PLS3: variants seen among roughly 807,000 people sequenced by gnomAD.
The protein encoded by PLS3 is plastin-3.
In PLS3, 11 loss-of-function variants were observed where a neutral mutation model predicts 46.5. That is an observed-to-expected ratio of 0.24 (90% CI 0.15 to 0.39). The LOEUF is 0.39. Among genes scored for constraint, PLS3 ranks in the 10% least tolerant of loss-of-function variants. The pLI, the probability that PLS3 is intolerant of heterozygous loss-of-function variation, is 1.00. For synonymous variants in PLS3, 167 were observed against 162.2 expected (o/e 1.03, Z -0.22); for missense variants, 308 against 461.8 (o/e 0.67, Z 3.05).
At chrX:115,580,215 T>C (rs2074272543) in intron 1 of PLS3, among the ~76,000 whole-genome samples, 1 of 112,371 alleles carries the variant, frequency 8.9e-6, no homozygotes, top group Non-Finnish European at 1.9e-5. Context: ...AGGCCCACTT[T>C]ATCAGTATTT....
At chrX:115,564,522 A>G (rs1218141431) in intron 1 of PLS3, among the ~76,000 whole-genome samples, 1 of 112,519 alleles carries the variant, frequency 8.9e-6, no homozygotes, top group African/African-American at 3.2e-5. Flanking sequence ...TACTGAAAAT[A>G]AAAGGGCAGC....
intron 1 of PLS3, among the ~76,000 whole-genome samples, chrX:115,581,768 A>G (rs782666103): frequency 3.6e-5 from 4 of 112,618 alleles, no homozygotes; most frequent in South Asian, 7.4e-4. Context: ...CTGTTGGTCT[A>G]TAACATTATG....
chrX:115,622,049 T>C (rs1206004306), intron 2 of PLS3, 197 bp from the exon 3 acceptor site: 2 of 376,824 alleles, frequency 5.3e-6, no homozygotes, highest in East Asian at 9.1e-5. Flanking sequence ...ATTGCTTAAA[T>C]CACAGGATAC....
At chrX:115,603,899 A>G (rs2074467622) in intron 1 of PLS3, among the ~76,000 whole-genome samples, 1 of 112,450 alleles carries the variant, frequency 8.9e-6, no homozygotes, top group South Asian at 3.7e-4. Flanking sequence ...ACTTTTATTC[A>G]GCAAGTAATA....
At chrX:115,616,425 T>G (rs782235445) in intron 2 of PLS3, among the ~76,000 whole-genome samples, 4 of 112,319 alleles carry the variant, frequency 3.6e-5, no homozygotes, top group Non-Finnish European at 3.8e-5. Flanking sequence ...AGACTATCAT[T>G]TAGCCAGTTT....
At chrX:115,639,370 A>G (rs1360992368) in intron 8 of PLS3, among the ~76,000 whole-genome samples, 1 of 112,012 alleles carries the variant, frequency 8.9e-6, no homozygotes, top group Non-Finnish European at 1.9e-5. Context: ...TATGGCACCA[A>G]GTTTCAAACT....
intron 15 of PLS3, among the ~76,000 whole-genome samples, chrX:115,648,500 T>G (rs7057455): frequency 0.1 from 11,435 of 110,892 alleles, 902 homozygotes; most frequent in African/African-American, 0.27. Context: ...AGACTATGCC[T>G]TGAAAGTTTC....
intron 3 of PLS3, chrX:115,624,293 G>A (rs1321832900): frequency 3.8e-5 from 4 of 106,272 alleles, no homozygotes; most frequent in East Asian, 2.9e-4. Context: ...CGTTCCTGCC[G>A]TTTTCTTTTG....
chrX:115,571,972 T>C (rs1280858605), intron 1 of PLS3, among the ~76,000 whole-genome samples: 1 of 112,443 alleles, frequency 8.9e-6, no homozygotes, highest in African/African-American at 3.2e-5. Context: ...GTCTCCATTG[T>C]AAAGCTACAG....
rs782783239 is a variant in PLS3 at position 115,643,549 on chromosome X, G to T, written c.1183+41G>T. ...AATTTCGAATGTGTGGGACTATAGA[G>T]TAGAAATACATAGGCCACAATGATT... On this transcript the variant is annotated intron_variant, in intron 10 of 15. Coordinates refer to ENST00000355899, the MANE Select transcript of PLS3 (RefSeq NM_005032.7). 5 of 767,427 alleles carry T rather than the reference G, an allele frequency of 6.5e-6. No individual in the cohort carries two copies. The African/African-American group carries it at 1.0e-4, about 16-fold the overall frequency. The allele number at this position is 767,427 out of a possible 1,213,427, so 63.2% of individuals were successfully genotyped here.
chrX:115,579,165 T>C (rs367919362), intron 1 of PLS3, among the ~76,000 whole-genome samples: 10 of 112,383 alleles, frequency 8.9e-5, no homozygotes, highest in African/African-American at 2.9e-4. Flanking sequence ...ATATATAGTA[T>C]GTAGCCTTTG....
chrX:115,592,154 T>C (rs1397926523), intron 1 of PLS3, among the ~76,000 whole-genome samples: 3 of 111,844 alleles, frequency 2.7e-5, no homozygotes, highest in Non-Finnish European at 5.6e-5. Context: ...TAAAATACTT[T>C]GTTGTGTATT....
intron 9 of PLS3, among the ~76,000 whole-genome samples, chrX:115,641,985 C>T (rs1556641056): frequency 3.8e-5 from 4 of 106,654 alleles, no homozygotes; most frequent in East Asian, 3.0e-4. Context: ...TCATGCTGTT[C>T]TCATGGTTTT....
At chrX:115,620,458 A>G (rs2074637530) in intron 2 of PLS3, among the ~76,000 whole-genome samples, 1 of 110,381 alleles carries the variant, frequency 9.1e-6, no homozygotes. Context: ...CACCACCACC[A>G]TCCCTGCCCC....
chrX:115,613,927 G>A (rs189619803), intron 2 of PLS3, among the ~76,000 whole-genome samples: 1 of 110,946 alleles, frequency 9.0e-6, no homozygotes. Context: ...AGTGAAGCCT[G>A]CTTTGAATTT....
chrX:115,593,448 C>T lies in PLS3; in HGVS notation c.-8-16795C>T, dbSNP rs782187082. 1.0e-3 allele frequency: 112 copies of T among 110,949 alleles called. 1 individual carries two copies. The highest frequency in any genetic ancestry group is 3.4e-3 in the African/African-American group (104 of 30,624). The allele number at this position is 110,949 out of a possible 1,213,427, so 9.1% of individuals were successfully genotyped here. On this transcript the variant is annotated intron_variant, in intron 1 of 15. Transcript: ENST00000355899. ...CCGCCAGGCTGACAGGAAGGGGATT[C>T]GTAAGTATTGTATCATTCTTTTGTC...
At chrX:115,604,618 C>G (rs781795865) in intron 1 of PLS3, among the ~76,000 whole-genome samples, 6 of 111,655 alleles carry the variant, frequency 5.4e-5, no homozygotes, top group Non-Finnish European at 9.4e-5. Flanking sequence ...CGCGGTACAA[C>G]AGCTTGGTGT....
At chrX:115,592,102 CTG>C (rs2074349278) in intron 1 of PLS3, among the ~76,000 whole-genome samples, 1 of 111,872 alleles carries the variant, frequency 8.9e-6, no homozygotes, top group Admixed American at 9.5e-5. Context: ...GGTGCCCACA[CTG>C]TGAGTCACCT....
At chrX:115,628,835 A>C (rs1208614318) in intron 3 of PLS3, among the ~76,000 whole-genome samples, 1 of 112,276 alleles carries the variant, frequency 8.9e-6, no homozygotes, top group African/African-American at 3.2e-5. Context: ...AATTTTTATT[A>C]AAGTAGGGGG....
Sources: gnomAD v4.1 joint callset for allele counts (sites outside exome capture counted in the v4.1 genomes callset) on GRCh38, gnomAD v4.1.1 for gene constraint, MANE v1.5 for transcripts, NCBI Gene and HGNC (gene_info 2026-07-23, HGNC 2026-07-21) for gene names.